PES1: variants seen among roughly 807,000 people sequenced by gnomAD.
PES1 encodes pescadillo ribosomal biogenesis factor 1.
In PES1, 31 loss-of-function variants were observed where a neutral mutation model predicts 77.1. The ratio of observed to expected loss-of-function variants is 0.40; its 90% CI spans 0.30 to 0.54. The LOEUF (loss-of-function observed/expected upper bound fraction) is 0.54. Among genes scored for constraint, PES1 ranks in the 20% least tolerant of loss-of-function variants. The pLI, the probability that PES1 is intolerant of heterozygous loss-of-function variation, is 0.45. For synonymous variants in PES1, 282 were observed against 303.0 expected, an observed-to-expected ratio of 0.93 and a Z score of 0.72; for missense variants, 658 against 771.7, an observed-to-expected ratio of 0.85 and a Z score of 1.75.
At chr22:30,592,180 G>A (rs2087192112), upstream of PES1, 1 of 1,096,190 alleles carries the variant, frequency 9.1e-7, no homozygotes, top group Non-Finnish European at 1.1e-6. Flanking sequence ...TTGGGACGGA[G>A]AGGGGCGGAA....
intron 2 of PES1, among the ~76,000 whole-genome samples, chr22:30,601,541 G>A (rs1373865744): frequency 6.6e-6 from 1 of 151,938 alleles, no homozygotes; most frequent in Non-Finnish European, 1.5e-5. Flanking sequence ...TCAAACTCTT[G>A]CCCCTCAAGT....
intron 1 of PES1, among the ~76,000 whole-genome samples, chr22:30,590,433 A>G (rs1318718752): frequency 1.3e-5 from 2 of 152,208 alleles, no homozygotes; most frequent in Admixed American, 1.3e-4. Flanking sequence ...ATAACATCAT[A>G]GTCATGAAAC....
intron 2 of PES1, among the ~76,000 whole-genome samples, chr22:30,604,527 A>G (rs2087406936): frequency 6.6e-6 from 1 of 152,094 alleles, no homozygotes; most frequent in African/African-American, 2.4e-5. Flanking sequence ...CAGCTACTCA[A>G]GAGGTTGAGG....
chr22:30,604,676 G>GTTGCAGCTGGC (rs1199427290), intron 2 of PES1, among the ~76,000 whole-genome samples: 23 of 151,986 alleles, frequency 1.5e-4, no homozygotes, highest in Admixed American at 1.1e-3. Context: ...TCCTGTTGAT[G>GTTGCAGCTGGC]TTGCAGCTGG....
intron 2 of PES1, chr22:30,598,513 C>T (rs1302257911): frequency 6.6e-6 from 1 of 152,174 alleles, no homozygotes. Context: ...GCTGCAACCT[C>T]TGCTTCCCGG....
At chr22:30,594,022 C>T (rs1954285707), upstream of PES1, among the ~76,000 whole-genome samples, 1 of 152,204 alleles carries the variant, frequency 6.6e-6, no homozygotes. Flanking sequence ...GCTGCCCACA[C>T]ACAGAATGCT....
chr22:30,604,079 C>T (rs898898600), intron 2 of PES1: 15 of 152,104 alleles, frequency 9.9e-5, no homozygotes, highest in Admixed American at 3.3e-4. Context: ...GCAAAGTGGA[C>T]CTAGAGTCTT....
exon 1 of PES1, chr22:30,606,893 C>CG: frequency 9.4e-7 from 1 of 1,059,420 alleles, no homozygotes; most frequent in Non-Finnish European, 1.1e-6. Flanking sequence ...TAAGGAGTAC[C>CG]GGGTAGGCAC....
At chr22:30,594,494 T>C (rs1229935046), upstream of PES1, among the ~76,000 whole-genome samples, 1 of 151,950 alleles carries the variant, frequency 6.6e-6, no homozygotes, top group Non-Finnish European at 1.5e-5. Context: ...CACTGCAGCC[T>C]GTGCAACAGA....
chr22:30,589,098 A>G, intron 2 of PES1, 93 bp downstream of exon 2: 1 of 872,978 alleles, frequency 1.1e-6, no homozygotes, highest in Admixed American at 2.3e-5. Context: ...AGAACCCCAG[A>G]ATGGGTATGG....
chr22:30,594,408 T>C (rs2087226259), upstream of PES1, among the ~76,000 whole-genome samples: 1 of 151,912 alleles, frequency 6.6e-6, no homozygotes, highest in Admixed American at 6.6e-5. Context: ...TAATCCCAGC[T>C]ACCAGCGAGG....
At chr22:30,590,786 T>A (rs2087163991) in intron 1 of PES1, among the ~76,000 whole-genome samples, 4 of 152,088 alleles carry the variant, frequency 2.6e-5, no homozygotes, top group African/African-American at 9.7e-5. Context: ...CACAAGACAA[T>A]CCTTCCCACA....
intron 2 of PES1, chr22:30,603,939 A>G (rs2087398403): frequency 6.6e-6 from 1 of 152,198 alleles, no homozygotes; most frequent in Admixed American, 6.5e-5. Context: ...GGCTGAACAA[A>G]GGGAAAGGTT....
chr22:30,578,218 T>A (rs138246533), intron 14 of PES1, among the ~76,000 whole-genome samples: 2 of 152,110 alleles, frequency 1.3e-5, no homozygotes, highest in Non-Finnish European at 2.9e-5. Flanking sequence ...TGAGACACAG[T>A]TTGCAGTGAG....
exon 1 of PES1, chr22:30,607,002 C>G: frequency 1.6e-6 from 1 of 623,610 alleles, no homozygotes; most frequent in South Asian, 2.2e-5. Context: ...CTGCGCTGGT[C>G]CCGGGCTCTT....
intron 2 of PES1, chr22:30,601,711 T>C (rs1319712634): frequency 3.3e-5 from 5 of 152,202 alleles, no homozygotes. Context: ...AATTTGTTTA[T>C]GCATTCATTG....
rs5997698 is a variant in PES1 at position 30,604,302 on chromosome 22, C to T, written c.-661+1159G>A. Among the ~76,000 whole-genome samples the T allele has an allele frequency of 3.5e-3, 526 of 152,258 alleles. 2 individuals are homozygous for T. Among genetic ancestry groups the T allele is most frequent in the African/African-American group, 0.012 (504 of 41,550 alleles). On this transcript the variant is annotated intron_variant, in intron 2 of 16. Coordinates refer to the PES1 transcript ENST00000402281. ...AATAATCAGTAAAAAAAGTAGTAGT[C>T]ACCCAAATAGCTGTAGCATGCATGG...
intron 4 of PES1, among the ~76,000 whole-genome samples, chr22:30,585,044 C>T (rs117502313): frequency 6.6e-6 from 1 of 152,166 alleles, no homozygotes; most frequent in East Asian, 1.9e-4. Flanking sequence ...CTCTATGACT[C>T]TCTTTGAAGG....
At chr22:30,580,798 A>G in intron 9 of PES1, 97 bp from the exon 10 acceptor site, 2 of 1,550,672 alleles carry the variant, frequency 1.3e-6, no homozygotes, top group Non-Finnish European at 8.8e-7. Flanking sequence ...TTCCTTCTAG[A>G]TCCTGGATCC....
Sources: allele counts gnomAD v4.1 joint callset (sites outside exome capture counted in the v4.1 genomes callset), GRCh38; gene constraint gnomAD v4.1.1; transcripts MANE v1.5; gene names NCBI Gene and HGNC (gene_info 2026-07-23, HGNC 2026-07-21).